XXYLT1: variants seen among roughly 807,000 people sequenced by gnomAD.
XXYLT1 encodes the protein xyloside xylosyltransferase 1, also known as UDP-xylose:alpha-xyloside alpha-1,3-xylosyltransferase.
XXYLT1 carries 20 observed loss-of-function variants against 28.9 expected under a neutral mutation model. The observed-to-expected ratio is 0.69, with a 90% CI of 0.49 to 1.00. The LOEUF (loss-of-function observed/expected upper bound fraction) is 1.00, where lower values mean the gene tolerates loss of function less well. Among genes scored for constraint, XXYLT1 ranks in the 50% least tolerant of loss-of-function variants. XXYLT1 has a pLI of 0.00. For missense variants in XXYLT1, 542 were observed against 560.1 expected, an observed-to-expected ratio of 0.97 and a Z score of 0.33; for synonymous variants, 257 against 253.8, an observed-to-expected ratio of 1.01 and a Z score of -0.12.
Position 195,078,542 on chromosome 3 carries a change from C to A in XXYLT1, c.786-8431G>T, listed in dbSNP as rs34890382. ...TCCCTCCAGCCTACCTCCCCCTCTT[C>A]CTCATCCCCATCCAAGCTGGGCCTT... On this transcript the variant is annotated intron_variant, in intron 3 of 3. Coordinates refer to ENST00000310380, the MANE Select transcript of XXYLT1 (RefSeq NM_152531.5). This position sits in a 1 kb window ranked among gnomAD's most constrained non-coding sequence, Gnocchi z 5.0. 6.6e-6 allele frequency among the ~76,000 whole-genome samples: 1 copy of A among 152,240 alleles called. No individual in the cohort carries two copies. Among genetic ancestry groups the A allele is most frequent in the South Asian group, 2.1e-4 (1 of 4,822 alleles).
intron 3 of XXYLT1, among the ~76,000 whole-genome samples, chr3:195,102,462 A>C: frequency 6.6e-6 from 1 of 151,990 alleles, no homozygotes; most frequent in East Asian, 1.9e-4. Flanking sequence ...GGCCACGGTA[A>C]CCATCATTTT....
chr3:195,270,454 C>G (rs1725982578), intron 1 of XXYLT1, 101 bp downstream of exon 1: 4 of 1,340,328 alleles, frequency 3.0e-6, no homozygotes, highest in South Asian at 3.7e-5. Context: ...CAGGGAAGAT[C>G]CTACCCGCTA....
At chr3:195,097,574 T>G (rs1337649920) in intron 3 of XXYLT1, among the ~76,000 whole-genome samples, 1 of 152,148 alleles carries the variant, frequency 6.6e-6, no homozygotes, top group Non-Finnish European at 1.5e-5. Context: ...TTACAAGGGT[T>G]AAGGAATTGA....
intron 2 of XXYLT1, among the ~76,000 whole-genome samples, chr3:195,198,345 C>G (rs886461929): frequency 3.3e-5 from 5 of 152,088 alleles, no homozygotes; most frequent in African/African-American, 1.2e-4. Flanking sequence ...TCCCACTCCC[C>G]CTGAGTTTCA....
At chr3:195,156,264 C>T (rs11721261) in intron 3 of XXYLT1, among the ~76,000 whole-genome samples, 185 bp downstream of exon 3, 47,073 of 152,192 alleles carry the variant, frequency 0.31, 8,404 homozygotes, top group East Asian at 0.84. Flanking sequence ...GTAGCACCTA[C>T]GGCTTGGGAT....
chr3:195,220,042 A>T (rs1166151387), intron 2 of XXYLT1, among the ~76,000 whole-genome samples: 1 of 152,152 alleles, frequency 6.6e-6, no homozygotes, highest in African/African-American at 2.4e-5. Flanking sequence ...CAATAATCAC[A>T]TGCTAAATGT....
At chr3:195,182,313 A>T (rs1445897249) in intron 2 of XXYLT1, among the ~76,000 whole-genome samples, 1 of 152,214 alleles carries the variant, frequency 6.6e-6, no homozygotes, top group African/African-American at 2.4e-5. Flanking sequence ...AGTTAATGTC[A>T]ACTGTCACTG....
chr3:195,265,324 A>ACC (rs902012019), intron 1 of XXYLT1, among the ~76,000 whole-genome samples: 2 of 150,408 alleles, frequency 1.3e-5, no homozygotes, highest in African/African-American at 4.9e-5. Flanking sequence ...CCAAGATCGC[A>ACC]CCCTTGCACT....
intron 1 of XXYLT1, among the ~76,000 whole-genome samples, chr3:195,260,539 C>T (rs1451556915): frequency 1.3e-5 from 2 of 152,258 alleles, no homozygotes; most frequent in South Asian, 2.1e-4. Context: ...ATCCTCCCGT[C>T]CCGGGCGAGG....
chr3:195,244,850 CAAAAAAAAAA>C (rs137953417), intron 1 of XXYLT1, among the ~76,000 whole-genome samples: 1 of 93,666 alleles, frequency 1.1e-5, no homozygotes, highest in Admixed American at 1.2e-4. Flanking sequence ...GACTCTGTCT[CAAAAAAAAAA>C]AAAACAAAAA....
intron 1 of XXYLT1, among the ~76,000 whole-genome samples, chr3:195,251,895 A>G (rs1027590787): frequency 2.0e-5 from 3 of 152,216 alleles, no homozygotes; most frequent in Non-Finnish European, 4.4e-5. Context: ...GTGACCCTGG[A>G]GAGCCTCAAG....
rs1359041825 is a variant in XXYLT1, at chr3:195,176,216, C to A, written c.653-19635G>T. On this transcript the variant is annotated intron_variant, in intron 2 of 3. Coordinates refer to ENST00000310380, the MANE Select transcript of XXYLT1 (RefSeq NM_152531.5). The surrounding 1 kb of genome is among the most constrained non-coding windows in gnomAD (Gnocchi z 4.9). ...GGACTACAGGTGTGTACCACCATGC[C>A]CCGCTAATTTCTGTATTTTTTGTAG... Among the ~76,000 whole-genome samples the A allele has an allele frequency of 3.3e-5, 5 of 152,210 alleles. No homozygotes were observed. The highest frequency in any genetic ancestry group is 7.3e-5 in the Non-Finnish European group (5 of 68,044).
At chr3:195,221,953 T>C (rs1723844304) in intron 2 of XXYLT1, among the ~76,000 whole-genome samples, 1 of 152,028 alleles carries the variant, frequency 6.6e-6, no homozygotes, top group African/African-American at 2.4e-5. Context: ...CTGACCAAAG[T>C]CAGAGCCAGC....
intron 2 of XXYLT1, among the ~76,000 whole-genome samples, chr3:195,194,015 T>C (rs1722526631): frequency 6.6e-6 from 1 of 151,872 alleles, no homozygotes; most frequent in Non-Finnish European, 1.5e-5. Context: ...TCTTAGATAA[T>C]GACACAAAAA....
At chr3:195,114,863 C>G (rs933186248) in intron 3 of XXYLT1, among the ~76,000 whole-genome samples, 1 of 152,262 alleles carries the variant, frequency 6.6e-6, no homozygotes, top group African/African-American at 2.4e-5. Context: ...GCTCAGTGGT[C>G]TCCCTGCCGG....
intron 2 of XXYLT1, among the ~76,000 whole-genome samples, chr3:195,199,692 T>C (rs762107440): frequency 6.6e-6 from 1 of 152,052 alleles, no homozygotes; most frequent in Non-Finnish European, 1.5e-5. Context: ...ATCTATCTGC[T>C]CCCATCAGGA....
chr3:195,270,288 C>G (rs2108863977), intron 1 of XXYLT1: 1 of 766,430 alleles, frequency 1.3e-6, no homozygotes, highest in Non-Finnish European at 2.0e-6. Context: ...CGCGGACTCT[C>G]CTGGGGGCTG....
At chr3:195,191,927 C>G (rs1228772433) in intron 2 of XXYLT1, among the ~76,000 whole-genome samples, 3 of 152,034 alleles carry the variant, frequency 2.0e-5, no homozygotes, top group African/African-American at 7.2e-5. Context: ...ATTTCAATAC[C>G]CTACTCTTGA....
At chr3:195,259,477 G>T in intron 1 of XXYLT1, 1 of 663,398 alleles carries the variant, frequency 1.5e-6, no homozygotes, top group Non-Finnish European at 1.9e-6. Context: ...GGAAGGCTGT[G>T]AGGAAGGGCA....
Sources: gnomAD v4.1 joint callset for allele counts (sites outside exome capture counted in the v4.1 genomes callset) on GRCh38, gnomAD v4.1.1 for gene constraint, Gnocchi (gnomAD v3.1) non-coding constraint, MANE v1.5 for transcripts, NCBI Gene and HGNC (gene_info 2026-07-23, HGNC 2026-07-21) for gene names.